Variants in CNTNAP3 observed in about 807,000 individuals in gnomAD.
CNTNAP3 encodes the protein contactin-associated protein-like 3.
In CNTNAP3, 36 loss-of-function variants were observed where a neutral mutation model predicts 92.1. The ratio of observed to expected loss-of-function variants is 0.39; its 90% CI spans 0.30 to 0.52. CNTNAP3 has a LOEUF of 0.52. Among genes scored for constraint, CNTNAP3 ranks in the 20% least tolerant of loss-of-function variants. CNTNAP3 has a pLI of 0.76. For missense variants in CNTNAP3, 534 were observed against 1,069.6 expected (o/e 0.50, Z 6.98); for synonymous variants, 232 against 422.3 (o/e 0.55, Z 5.53).
At position 39,086,867 on chromosome 9, in the gene CNTNAP3, T is replaced by C; in HGVS notation, c.3221-18A>G. On this transcript the variant is annotated intron_variant, in intron 19 of 23. Coordinates refer to ENST00000297668, the MANE Select transcript of CNTNAP3 (RefSeq NM_033655.5). ...CAAACTTCCTAAAAAGAAAAATAAATGGCATTTAAAATTAAAGTGGTATTT... is the reference window on the plus strand; with the variant it reads ...CAAACTTCCTAAAAAGAAAAATAAACGGCATTTAAAATTAAAGTGGTATTT... 6.3e-7 allele frequency: 1 copy of C among 1,581,654 alleles called. No homozygotes were observed. Among genetic ancestry groups the C allele is most frequent in the South Asian group, 1.1e-5 (1 of 87,436 alleles).
At position 39,135,990 on chromosome 9, in the gene CNTNAP3, G is replaced by A. The variant is rs994566482; in HGVS notation, c.1877-2855C>T. Among the ~76,000 whole-genome samples, 263 of 151,728 alleles carry A rather than the reference G, an allele frequency of 1.7e-3. 2 individuals carry two copies. The highest frequency in any genetic ancestry group is 6.2e-3 in the African/African-American group (256 of 41,348). On this transcript the variant is annotated intron_variant, in intron 12 of 23. Transcript: ENST00000297668. ...TAAAAATACAAAAAATTAGCCGGGC[G>A]TGGTGGCACGTGCCTGTAGTCCCAG...
At chr9:39,081,374 G>A (rs1825928477) in intron 21 of CNTNAP3, among the ~76,000 whole-genome samples, 1 of 151,636 alleles carries the variant, frequency 6.6e-6, no homozygotes, top group South Asian at 2.1e-4. Flanking sequence ...AAAATGTATG[G>A]TGACCTGTCT....
At chr9:39,141,624 G>T (rs1253238104) in intron 11 of CNTNAP3, among the ~76,000 whole-genome samples, 1 of 152,138 alleles carries the variant, frequency 6.6e-6, no homozygotes, top group African/African-American at 2.4e-5. Context: ...ATATCTGCAG[G>T]AGATGGACAT....
chr9:39,089,371 A>G (rs1826138827), intron 18 of CNTNAP3, among the ~76,000 whole-genome samples: 1 of 152,274 alleles, frequency 6.6e-6, no homozygotes, highest in South Asian at 2.1e-4. Flanking sequence ...TCCATCTTGT[A>G]GCATGTATCA....
Position 39,120,061 on chromosome 9 carries a change from C to T in CNTNAP3, c.2081-1802G>A, listed in dbSNP as rs370439857. 2.0e-5 allele frequency among the ~76,000 whole-genome samples: 3 copies of T among 152,270 alleles called. No individual in the cohort carries two copies. The South Asian group carries it at 6.2e-4, about 32-fold the overall frequency. On this transcript the variant is annotated intron_variant, in intron 13 of 23. Coordinates refer to ENST00000297668, the MANE Select transcript of CNTNAP3 (RefSeq NM_033655.5). Reference sequence around the variant, plus strand: ...AAAAATACTGGCTGTAAACTTCCCACATGTGGTGAAAGACACAAACCCAGA... The same window carrying T: ...AAAAATACTGGCTGTAAACTTCCCATATGTGGTGAAAGACACAAACCCAGA...
intron 13 of CNTNAP3, among the ~76,000 whole-genome samples, chr9:39,127,057 A>G (rs1247664757): frequency 6.6e-6 from 1 of 152,152 alleles, no homozygotes; most frequent in African/African-American, 2.4e-5. Flanking sequence ...CATACAAAGT[A>G]TATTCTCTAA....
intron 10 of CNTNAP3, among the ~76,000 whole-genome samples, chr9:39,148,347 G>T (rs1452637531): frequency 1.1e-4 from 16 of 152,162 alleles, no homozygotes; most frequent in Non-Finnish European, 1.5e-4. Flanking sequence ...CCATATGAAT[G>T]AACTTTTCAT....
chr9:39,078,555 G>A (rs1232399368), intron 22 of CNTNAP3, 99 bp from the exon 23 acceptor site: 18 of 1,564,496 alleles, frequency 1.2e-5, no homozygotes, highest in Middle Eastern at 2.3e-4. Context: ...ATTAAAATAA[G>A]AACATCACAA....
intron 23 of CNTNAP3, among the ~76,000 whole-genome samples, chr9:39,076,103 G>A (rs1178976277): frequency 2.0e-5 from 3 of 152,426 alleles, no homozygotes; most frequent in Non-Finnish European, 4.4e-5. Flanking sequence ...CAGCGGAAGA[G>A]AACACTGCTA....
At chr9:39,104,206 G>C (rs1285779269) in intron 15 of CNTNAP3, among the ~76,000 whole-genome samples, 1 of 152,028 alleles carries the variant, frequency 6.6e-6, no homozygotes, top group Non-Finnish European at 1.5e-5. Context: ...GTCAAGTTCA[G>C]AATCACCTCA....
chr9:39,119,987 T>A (rs572813590), intron 13 of CNTNAP3, among the ~76,000 whole-genome samples: 194 of 152,060 alleles, frequency 1.3e-3, no homozygotes, highest in African/African-American at 4.5e-3. Context: ...TCAGACAATA[T>A]CATCCGAATC....
chr9:39,103,866 T>A lies in CNTNAP3; in HGVS notation c.2414A>T (p.His805Leu). The change falls in exon 16 of 24, where the codon CAT becomes CTT. Residue 805 changes from histidine to leucine, a missense_variant. Coordinates refer to ENST00000297668, the MANE Select transcript of CNTNAP3 (RefSeq NM_033655.5). Reference sequence around the variant, plus strand: ...GAGTTCTCCGTGGAAAGCAGGGAAATGAAGGTATGAAGTCTCAGTGTTGAA... The same window carrying A: ...GAGTTCTCCGTGGAAAGCAGGGAAAAGAAGGTATGAAGTCTCAGTGTTGAA... ...ASFNTETSYL[H>L]FPAFHGELTA... is the part of the protein sequence containing the mutation. 1.2e-6 allele frequency: 2 copies of A among 1,610,716 alleles called. No homozygotes were observed. The highest frequency in any genetic ancestry group is 1.7e-6 in the Non-Finnish European group (2 of 1,179,484).
chr9:39,157,534 G>C (rs1821978302), intron 9 of CNTNAP3, among the ~76,000 whole-genome samples: 1 of 112,926 alleles, frequency 8.9e-6, no homozygotes, highest in Non-Finnish European at 2.0e-5. Flanking sequence ...TTTTAGTAGA[G>C]ACGGGGTTTC....
chr9:39,115,326 A>AAT (rs1300491687), intron 14 of CNTNAP3, among the ~76,000 whole-genome samples: 1 of 152,040 alleles, frequency 6.6e-6, no homozygotes, highest in African/African-American at 2.4e-5. Flanking sequence ...GAAAATAAGT[A>AAT]ATAAAGACTA....
intron 18 of CNTNAP3, among the ~76,000 whole-genome samples, chr9:39,089,448 G>C (rs1193381392): frequency 6.6e-6 from 1 of 152,248 alleles, no homozygotes; most frequent in East Asian, 1.9e-4. Context: ...GCCACATTTT[G>C]CGGATCTATT....
At chr9:39,143,388 C>CAG (rs983901163) in intron 11 of CNTNAP3, among the ~76,000 whole-genome samples, 3 of 152,076 alleles carry the variant, frequency 2.0e-5, no homozygotes, top group African/African-American at 7.2e-5. Context: ...AACAGGCTCC[C>CAG]AGGGGCTGTG....
chr9:39,089,024 CAG>C (rs1826131709), intron 18 of CNTNAP3, among the ~76,000 whole-genome samples: 1 of 152,248 alleles, frequency 6.6e-6, no homozygotes, highest in Non-Finnish European at 1.5e-5. Context: ...CATCTTTATT[CAG>C]ATATAATCCA....
In CNTNAP3 at chr9:39,152,664, T is replaced by C. The variant is rs1012879313; in HGVS notation, c.1478-2687A>G. On this transcript the variant is annotated intron_variant, in intron 9 of 23. Coordinates refer to ENST00000297668, the MANE Select transcript of CNTNAP3 (RefSeq NM_033655.5). ...TCCTGACACATAACTTAGGTTATCTTTTTTTTTTGAGACCTGAGTCTCGTG... is the reference window on the plus strand; with the variant it reads ...TCCTGACACATAACTTAGGTTATCTCTTTTTTTTGAGACCTGAGTCTCGTG... 9.9e-5 allele frequency among the ~76,000 whole-genome samples: 14 copies of C among 141,484 alleles called. 1 individual carries two copies. The highest frequency in any genetic ancestry group is 2.8e-4 in the Admixed American group (4 of 14,396). 92.8% of individuals were successfully genotyped at this position (141,484 alleles called of 152,430 possible).
At chr9:39,225,466 G>A (rs865819992) in intron 3 of CNTNAP3, among the ~76,000 whole-genome samples, 125 of 3,078 alleles carry the variant, frequency 0.041, 8 homozygotes, top group African/African-American at 0.049. Flanking sequence ...ACATCATCCC[G>A]CTCTCCCCTG....
Sources: gnomAD v4.1 joint callset for allele counts (sites outside exome capture counted in the v4.1 genomes callset) on GRCh38, gnomAD v4.1.1 for gene constraint, MANE v1.5 for transcripts, NCBI Gene and HGNC (gene_info 2026-07-23, HGNC 2026-07-21) for gene names.